CMC2: variants seen among roughly 807,000 people sequenced by gnomAD.
CMC2 encodes C-X9-C motif containing 2.
Under a neutral mutation model 7.5 loss-of-function variants are expected in CMC2, and 5 were observed. The observed-to-expected ratio is 0.66, with a 90% CI of 0.35 to 1.40. CMC2 has a LOEUF of 1.40. Ranked by LOEUF, CMC2 falls within the 40% of genes most tolerant of loss-of-function variation. The pLI, the probability that CMC2 is intolerant of heterozygous loss-of-function variation, is 0.04. For missense variants in CMC2, 115 were observed against 92.3 expected, an observed-to-expected ratio of 1.25 and a Z score of -1.01; for synonymous variants, 37 against 31.4, an observed-to-expected ratio of 1.18 and a Z score of -0.60.
rs1912072280 is a variant in CMC2, at chr16:80,973,459, A to T, written c.*2634T>A. ...ATCACATACATCTCAACCAATCCTC[A>T]CAATAACTCTATGTGACAGGTACTG... On this transcript the variant is annotated 3_prime_UTR_variant, in exon 4 of 4. Transcript: ENST00000219400. 1.3e-5 allele frequency: 2 copies of T among 152,308 alleles called. No homozygotes were observed. Among genetic ancestry groups the T allele is most frequent in the South Asian group, 4.1e-4 (2 of 4,822 alleles). 9.4% of individuals were successfully genotyped at this position (152,308 alleles called of 1,614,324 possible).
intron 1 of CMC2, chr16:80,998,051 A>T (rs78182369): frequency 1.3e-5 from 2 of 152,028 alleles, no homozygotes; most frequent in East Asian, 3.8e-4. Context: ...ATCATCCACA[A>T]GGTGGAAAAT....
chr16:81,004,226 AAAT>A (rs35193305), intron 1 of CMC2, among the ~76,000 whole-genome samples: 95,598 of 151,852 alleles, frequency 0.63, 31,608 homozygotes, highest in South Asian at 0.79. Flanking sequence ...CCATCTCAAA[AAAT>A]AATAATTATG....
chr16:80,996,016 AC>A (rs910267806), intron 2 of CMC2, among the ~76,000 whole-genome samples: 5 of 152,170 alleles, frequency 3.3e-5, no homozygotes, highest in African/African-American at 7.2e-5. Flanking sequence ...GAAAAAAAAA[AC>A]AACAACGTTT....
chr16:80,969,425 G>A lies in CMC2; in HGVS notation c.*6668C>T, dbSNP rs1366744283. 1 of 152,260 alleles carries A rather than the reference G, an allele frequency of 6.6e-6. No individual in the cohort carries two copies. Among genetic ancestry groups the A allele is most frequent in the African/African-American group, 2.4e-5 (1 of 41,460 alleles). 9.4% of individuals were successfully genotyped at this position (152,260 alleles called of 1,614,324 possible). A position where few individuals can be genotyped will look rare whatever the true frequency, so the allele number is the denominator to read the frequency against. On this transcript the variant is annotated 3_prime_UTR_variant, in exon 4 of 4. Coordinates refer to ENST00000219400, the MANE Select transcript of CMC2 (RefSeq NM_020188.5). ...AGCAATTGGTACTGGGAAGGTTCTT[G>A]CCCACTTCAGTAAATGGGGCCCACA...
chr16:80,985,001 T>C lies in CMC2; in HGVS notation c.82-3124A>G, dbSNP rs191614446. ...TTTCTTGAGAACCAAACCAACCGAG[T>C]AACTGATTGAATAAGTGAATCAACA... On this transcript the variant is annotated intron_variant, in intron 2 of 3. Transcript: ENST00000219400. 8.5e-5 allele frequency among the ~76,000 whole-genome samples: 13 copies of C among 152,228 alleles called. No homozygotes were observed. The East Asian group carries it at 1.9e-3, about 23-fold the overall frequency.
intron 2 of CMC2, among the ~76,000 whole-genome samples, chr16:80,996,757 A>G (rs1968449839): frequency 6.6e-6 from 1 of 152,252 alleles, no homozygotes; most frequent in South Asian, 2.1e-4. Flanking sequence ...TTCAACAGCT[A>G]TAAAAATGTC....
chr16:80,986,832 A>G (rs903906451), intron 2 of CMC2, among the ~76,000 whole-genome samples: 1 of 152,270 alleles, frequency 6.6e-6, no homozygotes, highest in African/African-American at 2.4e-5. Flanking sequence ...TAAGTCCACT[A>G]TCTAGCTGAG....
intron 1 of CMC2, among the ~76,000 whole-genome samples, chr16:81,000,673 C>T (rs1173186396): frequency 6.6e-6 from 1 of 152,088 alleles, no homozygotes; most frequent in African/African-American, 2.4e-5. Flanking sequence ...GTGAGAATGG[C>T]TATTACTAAA....
chr16:80,991,637 C>G, intron 2 of CMC2: 1 of 201,932 alleles, frequency 5.0e-6, no homozygotes, highest in Non-Finnish European at 1.0e-5. Flanking sequence ...TGGACCCTGT[C>G]TCCAAAAAAA....
At chr16:80,991,901 T>A (rs2113197) in intron 2 of CMC2, 323,321 of 453,018 alleles carry the variant, frequency 0.71, 118,894 homozygotes, top group South Asian at 0.8. Context: ...ATGTCACAGA[T>A]AACAGGAGCC....
In CMC2 at chr16:80,974,945, AAACACC is replaced by A. The variant is rs1316273607; in HGVS notation, c.*1142_*1147del. On this transcript the variant is annotated 3_prime_UTR_variant, in exon 4 of 4. Coordinates refer to ENST00000219400, the MANE Select transcript of CMC2 (RefSeq NM_020188.5). ...TCCTGTGATGGGGAAGTCACTTATT[AAACACC>A]AACACCAACAAGGCCTCATGCTGGA... 1 of 152,252 alleles carries A rather than the reference AAACACC, an allele frequency of 6.6e-6. No individual in the cohort carries two copies. The highest frequency in any genetic ancestry group is 1.5e-5 in the Non-Finnish European group (1 of 68,068). 9.4% of individuals were successfully genotyped at this position (152,252 alleles called of 1,614,324 possible).
intron 2 of CMC2, among the ~76,000 whole-genome samples, chr16:80,986,567 G>C (rs1313411092): frequency 1.3e-5 from 2 of 152,228 alleles, no homozygotes; most frequent in Non-Finnish European, 2.9e-5. Flanking sequence ...CAGGAGACCA[G>C]ATAGAAGTCC....
At chr16:80,998,311 A>T (rs1477821864) in intron 1 of CMC2, 1 of 152,062 alleles carries the variant, frequency 6.6e-6, no homozygotes, top group African/African-American at 2.4e-5. Flanking sequence ...TAAAGTTCCA[A>T]ATAGAAAACA....
chr16:80,972,245 T>C lies in CMC2; in HGVS notation c.*3848A>G, dbSNP rs874054. ...GATGTCTATGGATTAAGGTAGATTC[T>C]GGTATAGCTGGTTCCCTGAATATGA... is the stretch of plus-strand genomic sequence containing the variant. On this transcript the variant is annotated 3_prime_UTR_variant, in exon 4 of 4. Coordinates refer to ENST00000219400, the MANE Select transcript of CMC2 (RefSeq NM_020188.5). 0.35 allele frequency: 52,603 copies of C among 152,108 alleles called. 10,796 individuals are homozygous for C. The highest frequency in any genetic ancestry group is 0.57 in the African/African-American group (23,782 of 41,460). The allele number at this position is 152,108 out of a possible 1,614,324, so 9.4% of individuals were successfully genotyped here.
At chr16:80,979,412 G>A (rs2151617051) in intron 3 of CMC2, among the ~76,000 whole-genome samples, 1 of 152,032 alleles carries the variant, frequency 6.6e-6, no homozygotes, top group South Asian at 2.1e-4. Flanking sequence ...CAGATCTCAG[G>A]CCAGCTGAGA....
At chr16:81,004,278 A>G (rs9931063) in intron 1 of CMC2, among the ~76,000 whole-genome samples, 21,667 of 152,218 alleles carry the variant, frequency 0.14, 1,708 homozygotes, top group Admixed American at 0.19. Context: ...TGAAAGGAAC[A>G]TAAGACCTCG....
chr16:81,006,749 A>G lies in CMC2; in HGVS notation c.-51T>C. On this transcript the variant is annotated 5_prime_UTR_variant, in exon 1 of 4. Transcript: ENST00000219400. ...CGAGACTCACCCGACTCGTGGCCAC[A>G]CCGGGAGAACTGAAGCGGCAGTAGC... is the stretch of plus-strand genomic sequence containing the variant. 1.0e-6 allele frequency: 1 copy of G among 985,548 alleles called. No individual in the cohort carries two copies. The highest frequency in any genetic ancestry group is 1.2e-6 in the Non-Finnish European group (1 of 830,106). The allele number at this position is 985,548 out of a possible 1,614,324, so 61.1% of individuals were successfully genotyped here.
chr16:80,996,972 T>C (rs1479350115), intron 2 of CMC2: 1 of 450,242 alleles, frequency 2.2e-6, no homozygotes, highest in Non-Finnish European at 4.4e-6. Flanking sequence ...TTTAGAATAA[T>C]TCCATTATAA....
chr16:80,998,840 C>T (rs960991328), intron 1 of CMC2: 5 of 152,146 alleles, frequency 3.3e-5, no homozygotes, highest in African/African-American at 1.2e-4. Flanking sequence ...GAATTAAACA[C>T]AAAAACCATG....
Sources: allele counts gnomAD v4.1 joint callset (sites outside exome capture counted in the v4.1 genomes callset), GRCh38; gene constraint gnomAD v4.1.1; transcripts MANE v1.5; gene names NCBI Gene and HGNC (gene_info 2026-07-23, HGNC 2026-07-21).